The following PCDHGB3 variants were observed in gnomAD, a reference collection of about 807,000 sequenced individuals.
The protein encoded by PCDHGB3 is protocadherin gamma-B3.
Under a neutral mutation model 59.2 loss-of-function variants are expected in PCDHGB3, and 40 were observed. The ratio of observed to expected loss-of-function variants is 0.68; its 90% CI spans 0.52 to 0.88. The LOEUF (loss-of-function observed/expected upper bound fraction) is 0.88, where lower values mean the gene tolerates loss of function less well. Ranked by LOEUF, PCDHGB3 falls within the 40% of genes least tolerant of loss-of-function variation. The probability of loss-of-function intolerance (pLI) is 0.00; values close to 1 mark genes in which losing one functional copy is unlikely to be tolerated. For synonymous variants in PCDHGB3, 581 were observed against 503.6 expected (o/e 1.15, Z -2.06); for missense variants, 1,309 against 1,187.9 (o/e 1.10, Z -1.50).
rs201825683 is a variant in PCDHGB3 at position 141,404,916 on chromosome 5, C to T, written c.2415+32107C>T. The T allele has an allele frequency of 1.5e-4, 243 of 1,613,780 alleles. No homozygotes were observed. The highest frequency in any genetic ancestry group is 1.1e-4 in the Non-Finnish European group (126 of 1,179,862). ...CAGGACCATGGCCAGCCCCCTCTCTCGGCCACTGTCACGCTCACAGTAGCC... is the reference window on the plus strand; with the variant it reads ...CAGGACCATGGCCAGCCCCCTCTCTTGGCCACTGTCACGCTCACAGTAGCC... On this transcript the variant is annotated intron_variant, in intron 1 of 3. Transcript: ENST00000576222.
In PCDHGB3 at chr5:141,383,778, T is replaced by C. The variant is rs764919264; in HGVS notation, c.2415+10969T>C. 5 of 1,613,886 alleles carry C rather than the reference T, an allele frequency of 3.1e-6. No individual in the cohort carries two copies. In the African/African-American group the frequency reaches 6.7e-5, roughly 22 times the overall value. ...CTCCTAAACTTCCAAAGATGTTTCA[T>C]CTGAACTCGCTTACAGGAGAAATAT... On this transcript the variant is annotated intron_variant, in intron 1 of 3. Coordinates refer to ENST00000576222, the MANE Select transcript of PCDHGB3 (RefSeq NM_018924.5).
At chr5:141,417,532 T>TA (rs1457524771) in intron 1 of PCDHGB3, 17 of 284,868 alleles carry the variant, frequency 6.0e-5, no homozygotes, top group Non-Finnish European at 8.4e-5. Context: ...ACTCGTAGTT[T>TA]AAAAAAAATT....
chr5:141,489,257 T>C lies in PCDHGB3; in HGVS notation c.2416-5550T>C, dbSNP rs2099684606. 5.8e-6 allele frequency: 9 copies of C among 1,550,190 alleles called. No homozygotes were observed. The highest frequency in any genetic ancestry group is 1.4e-5 in the African/African-American group (1 of 73,054). On this transcript the variant is annotated intron_variant, in intron 1 of 3. Transcript: ENST00000576222. This position sits in a 1 kb window ranked among gnomAD's most constrained non-coding sequence, Gnocchi z 4.5. Reference sequence around the variant, plus strand: ...TTCTGGGTCATGGGGCCCAAGACACTCCCACAGCTCGCTGGGAAATGGCAA... The same window carrying C: ...TTCTGGGTCATGGGGCCCAAGACACCCCCACAGCTCGCTGGGAAATGGCAA...
Position 141,490,688 on chromosome 5 carries a change from C to G in PCDHGB3, c.2416-4119C>G. 1 of 1,614,218 alleles carries G rather than the reference C, an allele frequency of 6.2e-7. No individual in the cohort carries two copies. Among genetic ancestry groups the G allele is most frequent in the Non-Finnish European group, 8.5e-7 (1 of 1,180,032 alleles). On this transcript the variant is annotated intron_variant, in intron 1 of 3. Coordinates refer to ENST00000576222, the MANE Select transcript of PCDHGB3 (RefSeq NM_018924.5). The surrounding 1 kb of genome is among the most constrained non-coding windows in gnomAD (Gnocchi z 5.4). ...ACTGTGGCTGCCTCAGATCCAGACA[C>G]TGGGGATAATGCCCGCCTCACCTAC...
At chr5:141,430,313 G>A (rs1018901791) in intron 1 of PCDHGB3, among the ~76,000 whole-genome samples, 1 of 150,204 alleles carries the variant, frequency 6.7e-6, no homozygotes, top group South Asian at 2.1e-4. Context: ...AACATTATAA[G>A]ATTAAAATCA....
At position 141,390,023 on chromosome 5, in the gene PCDHGB3, G is replaced by C. The variant is rs2092020127; in HGVS notation, c.2415+17214G>C. ...TGATTCTGGCCATTGCCTTGCGCCT[G>C]CGACGCTCCTCCAGCCCCGCCTCCT... On this transcript the variant is annotated intron_variant, in intron 1 of 3. Transcript: ENST00000576222. The C allele has an allele frequency of 1.9e-6, 3 of 1,613,908 alleles. No individual in the cohort carries two copies. In the African/African-American group the frequency reaches 4.0e-5, roughly 22 times the overall value.
intron 1 of PCDHGB3, chr5:141,394,873 C>T (rs376612124): frequency 6.8e-6 from 11 of 1,613,708 alleles, no homozygotes; most frequent in Non-Finnish European, 8.5e-6. Context: ...CCGAACGATT[C>T]GAGCCTTACA....
intron 1 of PCDHGB3, chr5:141,397,952 C>A: frequency 1.0e-6 from 1 of 959,530 alleles, no homozygotes; most frequent in Non-Finnish European, 1.5e-6. Context: ...CCAGGGCAGC[C>A]CCAGCTCAGA....
Position 141,485,966 on chromosome 5 carries a change from A to T in PCDHGB3, c.2416-8841A>T. ...AGCGGGCATGGTGCTCATCCAGCTC[A>T]ATGCCTCAGACCCGGACCTGGGTCC... On this transcript the variant is annotated intron_variant, in intron 1 of 3. Coordinates refer to ENST00000576222, the MANE Select transcript of PCDHGB3 (RefSeq NM_018924.5). The surrounding 1 kb of genome is among the most constrained non-coding windows in gnomAD (Gnocchi z 5.7). 1 of 1,614,168 alleles carries T rather than the reference A, an allele frequency of 6.2e-7. No individual in the cohort carries two copies. Among genetic ancestry groups the T allele is most frequent in the Non-Finnish European group, 8.5e-7 (1 of 1,179,988 alleles).
At chr5:141,501,841 C>T (rs2099811330) in intron 2 of PCDHGB3, among the ~76,000 whole-genome samples, 1 of 152,130 alleles carries the variant, frequency 6.6e-6, no homozygotes, top group African/African-American at 2.4e-5. Flanking sequence ...CTGTTTGGCC[C>T]TCAACCTTCA....
At chr5:141,376,284 G>T (rs1393856164) in intron 1 of PCDHGB3, 12 of 1,614,102 alleles carry the variant, frequency 7.4e-6, no homozygotes, top group Non-Finnish European at 1.0e-5. Flanking sequence ...GGCTTAGCGA[G>T]CATGCCCGGC....
Position 141,491,019 on chromosome 5 carries a change from A to G in PCDHGB3, c.2416-3788A>G. 5 of 1,614,116 alleles carry G rather than the reference A, an allele frequency of 3.1e-6. No individual in the cohort carries two copies. The highest frequency in any genetic ancestry group is 4.2e-6 in the Non-Finnish European group (5 of 1,180,026). ...CTGGCTCCTTGGTCACCAAGGTGAC[A>G]GCCGTGGATGCTGATGCAGGCCACA... On this transcript the variant is annotated intron_variant, in intron 1 of 3. Coordinates refer to ENST00000576222, the MANE Select transcript of PCDHGB3 (RefSeq NM_018924.5). This position sits in a 1 kb window ranked among gnomAD's most constrained non-coding sequence, Gnocchi z 6.9.
chr5:141,409,948 A>G, intron 1 of PCDHGB3: 1 of 1,613,348 alleles, frequency 6.2e-7, no homozygotes, highest in South Asian at 1.1e-5. Context: ...CTCGCTCTGC[A>G]GAGCCCGGCT....
chr5:141,394,746 G>A (rs1380467870), intron 1 of PCDHGB3: 3 of 1,613,418 alleles, frequency 1.9e-6, no homozygotes. Flanking sequence ...CCTCGTGGTG[G>A]CCGTCCAGGA....
intron 1 of PCDHGB3, chr5:141,408,742 A>G: frequency 6.2e-7 from 1 of 1,610,074 alleles, no homozygotes; most frequent in Non-Finnish European, 8.5e-7. Flanking sequence ...ATTTTTCATT[A>G]ATGGTTAGAG....
rs1008664105 is a variant in PCDHGB3, at chr5:141,432,402, T to C, written c.2415+59593T>C. 6.2e-7 allele frequency: 1 copy of C among 1,614,194 alleles called. No homozygotes were observed. The highest frequency in any genetic ancestry group is 1.1e-5 in the South Asian group (1 of 91,082). On this transcript the variant is annotated intron_variant, in intron 1 of 3. Transcript: ENST00000576222. The surrounding 1 kb of genome is among the most constrained non-coding windows in gnomAD (Gnocchi z 6.0). ...CCGCCCCTCAGCAGCAACGTGTCGT[T>C]GAGCCTGTTCGTGCTGGACCAGAAC...
At position 141,371,400 on chromosome 5, in the gene PCDHGB3, G is replaced by C. The variant is rs201084970; in HGVS notation, c.1006G>C (p.Asp336His). 5.8e-5 allele frequency: 93 copies of C among 1,613,894 alleles called. No individual in the cohort carries two copies. Among genetic ancestry groups the C allele is most frequent in the African/African-American group, 2.7e-5 (2 of 74,938 alleles). ...HHTAYCKVQI[D>H]ISDENDNAPE... Reference sequence around the variant, plus strand: ...CACTGCATATTGTAAAGTACAGATAGATATTTCAGATGAAAATGACAATGC... The same window carrying C: ...CACTGCATATTGTAAAGTACAGATACATATTTCAGATGAAAATGACAATGC... The change falls in exon 1 of 4, where the codon GAT becomes CAT. Residue 336 changes from aspartate to histidine, a missense_variant. Transcript: ENST00000576222.
chr5:141,462,011 C>T (rs567038580), intron 1 of PCDHGB3, among the ~76,000 whole-genome samples: 32 of 152,182 alleles, frequency 2.1e-4, no homozygotes, highest in Admixed American at 5.9e-4. Flanking sequence ...TTAATAGAGA[C>T]GGGGTTTCTT....
At position 141,372,874 on chromosome 5, in the gene PCDHGB3, A is replaced by T; in HGVS notation, c.2415+65A>T. The T allele has an allele frequency of 4.6e-6, 6 of 1,314,500 alleles. No individual in the cohort carries two copies. The East Asian group carries it at 1.2e-4, about 27-fold the overall frequency. 81.4% of individuals were successfully genotyped at this position (1,314,500 alleles called of 1,614,324 possible). A position where few individuals can be genotyped will look rare whatever the true frequency, so the allele number is the denominator to read the frequency against. On this transcript the variant is annotated intron_variant, in intron 1 of 3. Transcript: ENST00000576222. ...GGTTTCAATTCATTGATTTAGAGAT[A>T]AAAAGAATACAGATTAAATATTCCC... is the stretch of plus-strand genomic sequence containing the variant.
Sources: gnomAD v4.1 joint callset for allele counts (sites outside exome capture counted in the v4.1 genomes callset) on GRCh38, gnomAD v4.1.1 for gene constraint, Gnocchi (gnomAD v3.1) non-coding constraint, MANE v1.5 for transcripts, NCBI Gene and HGNC (gene_info 2026-07-23, HGNC 2026-07-21) for gene names.